The following MACF1 variants were observed in gnomAD, a reference collection of about 807,000 sequenced individuals.
MACF1 encodes microtubule-actin cross-linking factor 1.
Under a neutral mutation model 854.8 loss-of-function variants are expected in MACF1, and 193 were observed. The ratio of observed to expected loss-of-function variants is 0.23; its 90% CI spans 0.20 to 0.25. The LOEUF (loss-of-function observed/expected upper bound fraction) is 0.25. Ranked by LOEUF, MACF1 falls within the 10% of genes least tolerant of loss-of-function variation. MACF1 has a pLI of 1.00. For synonymous variants in MACF1, 3,185 were observed against 3,226.7 expected, an observed-to-expected ratio of 0.99 and a Z score of 0.44; for missense variants, 7,722 against 8,929.1, an observed-to-expected ratio of 0.86 and a Z score of 5.45.
intron 2 of MACF1, among the ~76,000 whole-genome samples, chr1:39,087,007 T>G (rs1247610774): frequency 6.6e-6 from 1 of 152,192 alleles, no homozygotes; most frequent in Non-Finnish European, 1.5e-5. Context: ...GAGGCGGGAC[T>G]GCGACTTTAG....
chr1:39,406,462 G>A (rs1642702175), intron 58 of MACF1, among the ~76,000 whole-genome samples: 1 of 152,142 alleles, frequency 6.6e-6, no homozygotes, highest in Middle Eastern at 3.2e-3. Context: ...CTTTATGGCT[G>A]GGAACAGTAG....
chr1:39,265,992 A>G (rs1447404122), intron 6 of MACF1, among the ~76,000 whole-genome samples: 1 of 152,234 alleles, frequency 6.6e-6, no homozygotes, highest in Non-Finnish European at 1.5e-5. Flanking sequence ...TACTTAACTT[A>G]TGAGCTGGGA....
chr1:39,187,895 T>TCTCTGTCTCTCTCTCTCTCTCTCTC (rs1644196251), intron 2 of MACF1, among the ~76,000 whole-genome samples: 8 of 68,464 alleles, frequency 1.2e-4, no homozygotes, highest in Admixed American at 1.9e-4. Context: ...TCTCTCTCTC[T>TCTCTGTCTCTCTCTCTCTCTCTCTC]CTCTCTCCTC....
In MACF1 at chr1:39,411,179, T is replaced by G. The variant is rs756898868; in HGVS notation, c.15817-11195T>G. On this transcript the variant is annotated intron_variant, in intron 58 of 100. Coordinates refer to ENST00000564288, the MANE Select transcript of MACF1 (RefSeq NM_001394062.1). ...GAGCTGTTAGATCCAGAATTGCATG[T>G]TCTCATAACCCCCAGCCTGAGAGAG... is the stretch of plus-strand genomic sequence containing the variant. The G allele has an allele frequency of 1.5e-4, 240 of 1,613,760 alleles. 3 individuals carry two copies. The South Asian group carries it at 2.5e-3, about 17-fold the overall frequency.
chr1:39,306,613 T>C (rs993880594), intron 23 of MACF1, among the ~76,000 whole-genome samples: 2 of 144,904 alleles, frequency 1.4e-5, no homozygotes, highest in Non-Finnish European at 3.1e-5. Flanking sequence ...ATTCTATCTT[T>C]TTTTTTTTTT....
chr1:39,312,177 C>G (rs1376909895), intron 26 of MACF1, among the ~76,000 whole-genome samples: 2 of 152,092 alleles, frequency 1.3e-5, no homozygotes, highest in African/African-American at 4.8e-5. Flanking sequence ...TTAGCTATAA[C>G]TGCACCACTG....
chr1:39,385,338 G>A (rs1450054598), intron 56 of MACF1, 96 bp from the exon 57 acceptor site: 16 of 1,368,158 alleles, frequency 1.2e-5, no homozygotes, highest in Non-Finnish European at 1.5e-5. Context: ...AAAGTGCTGC[G>A]ATTACAGGCA....
intron 2 of MACF1, among the ~76,000 whole-genome samples, chr1:39,169,875 G>A (rs1158095444): frequency 6.7e-6 from 1 of 148,494 alleles, no homozygotes; most frequent in African/African-American, 2.5e-5. Flanking sequence ...CCAGGTTCAC[G>A]CCATTCTCCT....
chr1:39,421,691 C>A (rs1643542578), intron 58 of MACF1, among the ~76,000 whole-genome samples: 2 of 152,200 alleles, frequency 1.3e-5, no homozygotes, highest in East Asian at 1.9e-4. Flanking sequence ...TTATTCTATT[C>A]TTCTCTTTTA....
At position 39,336,473 on chromosome 1, in the gene MACF1, T is replaced by C; in HGVS notation, c.9885T>C (p.Thr3295=). Reference sequence around the variant, plus strand: ...AACAGAATGCCATCATTAGTCCTACTGTTCTAGAGACCAGTGAAGAAAAGA... The same window carrying C: ...AACAGAATGCCATCATTAGTCCTACCGTTCTAGAGACCAGTGAAGAAAAGA... ...TGQQNAIISP[T]VLETSEEKTV... is the part of the protein sequence containing the mutation. Residue 3295 remains threonine (T), a synonymous_variant, in exon 37 of 101, where the codon ACT becomes ACC. Coordinates refer to ENST00000564288, the MANE Select transcript of MACF1 (RefSeq NM_001394062.1). The C allele has an allele frequency of 6.2e-7, 1 of 1,614,180 alleles. No individual in the cohort carries two copies. Among genetic ancestry groups the C allele is most frequent in the Non-Finnish European group, 8.5e-7 (1 of 1,180,012 alleles).
intron 2 of MACF1, among the ~76,000 whole-genome samples, chr1:39,097,184 G>A (rs534372207): frequency 4.6e-5 from 7 of 152,032 alleles, no homozygotes; most frequent in Admixed American, 3.3e-4. Context: ...GCCTCTTCAT[G>A]AGGGATTCTA....
rs146355317 is a variant in MACF1 at position 39,334,428 on chromosome 1, A to G, written c.7840A>G (p.Met2614Val). The stretch of plus-strand genomic sequence containing the variant: ...TAATGAAGCAGTATTGTCTCCAGGA[A>G]TGATGCATGGCATTGTAGATCCCGA... Reference protein sequence around the residue: ...LTNEAVLSPGMMHGIVDPENC... With the variant: ...LTNEAVLSPGVMHGIVDPENC... The change falls in exon 37 of 101, where the codon ATG becomes GTG. Residue 2614 changes from methionine to valine, a missense_variant. Physicochemically the swap from Met to Val is conservative, Grantham distance 21. Around this residue, in one of 15 missense-constraint regions of MACF1, gnomAD observed 1,531 missense variants for 1,601.6 expected, o/e 0.96. Transcript: ENST00000564288. 1.9e-6 allele frequency: 3 copies of G among 1,613,980 alleles called. No individual in the cohort carries two copies. In the African/African-American group the frequency reaches 4.0e-5, roughly 22 times the overall value.
At chr1:39,123,439 C>T (rs1011625319) in intron 2 of MACF1, among the ~76,000 whole-genome samples, 175 of 151,948 alleles carry the variant, frequency 1.2e-3, no homozygotes, top group Non-Finnish European at 2.9e-4. Flanking sequence ...AACTGCTGAC[C>T]TCAGATGATC....
chr1:39,434,402 T>A lies in MACF1; in HGVS notation c.17566-12T>A, dbSNP rs76311195. The A allele has an allele frequency of 7.1e-7, 1 of 1,409,504 alleles. No homozygotes were observed. Among genetic ancestry groups the A allele is most frequent in the South Asian group, 1.3e-5 (1 of 75,906 alleles). The allele number at this position is 1,409,504 out of a possible 1,614,324, so 87.3% of individuals were successfully genotyped here. A position where few individuals can be genotyped will look rare whatever the true frequency, so the allele number is the denominator to read the frequency against. ...ATACTTATCCTTTTTTTTTTTTTTT[T>A]TGCTCACATAGGAAAAGACAGAGTC... On this transcript the variant is annotated splice_polypyrimidine_tract_variant and intron_variant, in intron 68 of 100. Coordinates refer to ENST00000564288, the MANE Select transcript of MACF1 (RefSeq NM_001394062.1).
chr1:39,292,721 T>G (rs1198773125), intron 16 of MACF1, 45 bp from the exon 17 acceptor site: 7 of 1,358,584 alleles, frequency 5.2e-6, no homozygotes, highest in Non-Finnish European at 7.3e-6. Context: ...CGTAGTTTAC[T>G]TACTCTTTCT....
chr1:39,437,777 T>C lies in MACF1; in HGVS notation c.17989T>C (p.Phe5997Leu). 6.2e-7 allele frequency: 1 copy of C among 1,609,560 alleles called. No homozygotes were observed. Among genetic ancestry groups the C allele is most frequent in the Non-Finnish European group, 8.5e-7 (1 of 1,175,810 alleles). Residue 5997 changes from phenylalanine (F) to leucine (L), a missense_variant and splice_region_variant, in exon 71 of 101, where the codon TTT becomes CTT. Phe to Leu is a conservative substitution (Grantham distance 22). Coordinates refer to ENST00000564288, the MANE Select transcript of MACF1 (RefSeq NM_001394062.1). ...LDEAVSQSTQ[F>L]HDKIEPMLET... is the part of the protein sequence containing the mutation. Reference sequence around the variant, plus strand: ...TGGTAATGTTCCAACATTTGTTTAGTTTCATGATAAAATTGAGCCTATGTT... The same window carrying C: ...TGGTAATGTTCCAACATTTGTTTAGCTTCATGATAAAATTGAGCCTATGTT...
chr1:39,448,415 A>G lies in MACF1; in HGVS notation c.20089-179A>G, dbSNP rs1036087560. Among the ~76,000 whole-genome samples, 10 of 152,208 alleles carry G rather than the reference A, an allele frequency of 6.6e-5. No individual in the cohort carries two copies. In the East Asian group the frequency reaches 7.7e-4, roughly 12 times the overall value. On this transcript the variant is annotated intron_variant, in intron 83 of 100. Transcript: ENST00000564288. The stretch of plus-strand genomic sequence containing the variant: ...CACAAATTGTCAGGCACTTCTATAT[A>G]TGGTATAAACAAAAAATTATAAATT...
intron 58 of MACF1, chr1:39,412,326 G>C: frequency 6.2e-7 from 1 of 1,614,024 alleles, no homozygotes; most frequent in Non-Finnish European, 8.5e-7. Flanking sequence ...TGGAAAGTGG[G>C]AATGTAACTG....
chr1:39,353,957 G>A (rs1203503801), intron 44 of MACF1, among the ~76,000 whole-genome samples: 2 of 152,114 alleles, frequency 1.3e-5, no homozygotes, highest in Admixed American at 6.6e-5. Context: ...CTTGCCTCTT[G>A]GTTTTTACCT....
Sources: allele counts gnomAD v4.1 joint callset (sites outside exome capture counted in the v4.1 genomes callset), GRCh38; gene constraint gnomAD v4.1.1; regional missense constraint gnomAD v4.1.1; transcripts MANE v1.5; gene names NCBI Gene and HGNC (gene_info 2026-07-23, HGNC 2026-07-21).